AZIN2: variants seen among roughly 807,000 people sequenced by gnomAD.
The protein encoded by AZIN2 is ODC antizyme inhibitor-2.
AZIN2 carries 28 observed loss-of-function variants against 47.8 expected under a neutral mutation model. The ratio of observed to expected loss-of-function variants is 0.59; its 90% CI spans 0.43 to 0.80. AZIN2 has a LOEUF of 0.80. AZIN2 is among the 30% of genes least tolerant of loss of function. The pLI is 0.00. For missense variants in AZIN2, 535 were observed against 582.5 expected (o/e 0.92, Z 0.84); for synonymous variants, 221 against 239.4 (o/e 0.92, Z 0.71).
rs1441911902 is a variant in AZIN2 at position 33,113,604 on chromosome 1, T to G, written c.1030-4298T>G. Among the ~76,000 whole-genome samples, 2 of 152,254 alleles carry G rather than the reference T, an allele frequency of 1.3e-5. No homozygotes were observed. Among genetic ancestry groups the G allele is most frequent in the Admixed American group, 6.5e-5 (1 of 15,288 alleles). On this transcript the variant is annotated intron_variant, in intron 10 of 11. Transcript: ENST00000294517. This position sits in a 1 kb window ranked among gnomAD's most constrained non-coding sequence, Gnocchi z 4.1. ...TAAAATGGGAATGATGACAGAAAGCTTCAGACTTGGAATCAGAAGACATGG... is the reference window on the plus strand; with the variant it reads ...TAAAATGGGAATGATGACAGAAAGCGTCAGACTTGGAATCAGAAGACATGG...
chr1:33,159,747 C>T, the AZIN2 span: 3,896 of 1,613,310 alleles, frequency 2.4e-3, 85 homozygotes, highest in African/African-American at 0.046. The surrounding 1 kb of genome is among the most constrained non-coding windows in gnomAD (Gnocchi z 4.2). Context: ...CAGCCAGCCG[C>T]TCCTGCAGGA....
the AZIN2 span, among the ~76,000 whole-genome samples, chr1:33,166,624 G>A: frequency 6.6e-6 from 1 of 152,176 alleles, no homozygotes; most frequent in African/African-American, 2.4e-5. Flanking sequence ...ATAGCATACA[G>A]ATAAACATAT....
rs1642934014 is a variant in AZIN2 at position 33,094,577 on chromosome 1, C to T, written c.617C>T (p.Pro206Leu). Residue 206 changes from proline to leucine, a missense_variant, in exon 8 of 12, where the codon CCT becomes CTT. By Grantham distance (98) the Pro-to-Leu change is moderately conservative (BLOSUM62 -3). Coordinates refer to ENST00000294517, the MANE Select transcript of AZIN2 (RefSeq NM_052998.4). ...CACATTGGCAGTGGCTGTCCTGACC[C>T]TCAGGCCTATGCTCAGTCCATCGCA... is the stretch of plus-strand genomic sequence containing the variant. ...SFHIGSGCPD[P>L]QAYAQSIADA... 1 of 1,614,094 alleles carries T rather than the reference C, an allele frequency of 6.2e-7. No individual in the cohort carries two copies.
At position 33,096,761 on chromosome 1, in the gene AZIN2, G is replaced by A. The variant is rs778899459; in HGVS notation, c.808G>A (p.Val270Met). The change falls in exon 9 of 12, where the codon GTG (valine) becomes ATG (methionine). Residue 270 changes from valine to methionine, a missense_variant. Physicochemically the swap from Val to Met is conservative, Grantham distance 21. This residue lies in a region of AZIN2 where 409 missense variants were observed against 429.0 expected (regional missense o/e 0.95). Coordinates refer to ENST00000294517, the MANE Select transcript of AZIN2 (RefSeq NM_052998.4). Reference protein sequence around the residue: ...LDLYFPEGCGVDIFAELGRYY... With the variant: ...LDLYFPEGCGMDIFAELGRYY... The stretch of plus-strand genomic sequence containing the variant: ...CCTGTACTTCCCAGAGGGCTGTGGC[G>A]TGGACATCTTTGCTGAGCTGGGGCG... 49 of 1,614,120 alleles carry A rather than the reference G, an allele frequency of 3.0e-5. No homozygotes were observed. The highest frequency in any genetic ancestry group is 1.2e-4 in the Admixed American group (7 of 60,012).
At chr1:33,160,386 C>T in the AZIN2 span, among the ~76,000 whole-genome samples, 1 of 151,844 alleles carries the variant, frequency 6.6e-6, no homozygotes, top group Non-Finnish European at 1.5e-5. Flanking sequence ...ATAGTGAAGT[C>T]TTTATTTTTT....
chr1:33,140,511 G>A, the AZIN2 span, among the ~76,000 whole-genome samples: 2 of 152,186 alleles, frequency 1.3e-5, no homozygotes, highest in African/African-American at 4.8e-5. This position sits in a 1 kb window ranked among gnomAD's most constrained non-coding sequence, Gnocchi z 4.0. Context: ...TCAGCCTGCA[G>A]GGAGTGAGGG....
chr1:33,139,320 C>T, the AZIN2 span, among the ~76,000 whole-genome samples: 6 of 152,168 alleles, frequency 3.9e-5, no homozygotes, highest in Non-Finnish European at 5.9e-5. Flanking sequence ...TACAGCTTGA[C>T]ATTAGCTACT....
At chr1:33,133,077 T>C in the AZIN2 span, among the ~76,000 whole-genome samples, 2 of 152,318 alleles carry the variant, frequency 1.3e-5, no homozygotes, top group Middle Eastern at 6.8e-3. Context: ...TCAGGCCCAG[T>C]GGGTCAGGAG....
At chr1:33,082,494 AT>A in intron 4 of AZIN2, 140 bp downstream of exon 4, 1 of 611,360 alleles carries the variant, frequency 1.6e-6, no homozygotes, top group Middle Eastern at 4.5e-4. Flanking sequence ...GAGGGGCTCA[AT>A]TTATCCCCAA....
At chr1:33,087,377 C>A (rs1456280111) in intron 5 of AZIN2, among the ~76,000 whole-genome samples, 1 of 151,860 alleles carries the variant, frequency 6.6e-6, no homozygotes, top group African/African-American at 2.4e-5. Context: ...AGGTGATCCA[C>A]CCGCCTCGGC....
chr1:33,149,630 T>A, the AZIN2 span, among the ~76,000 whole-genome samples: 2 of 151,344 alleles, frequency 1.3e-5, no homozygotes, highest in African/African-American at 4.9e-5. Context: ...AATTTTTAAA[T>A]TTTTCATAGA....
At chr1:33,108,305 C>T (rs543296135) in intron 10 of AZIN2, among the ~76,000 whole-genome samples, 24 of 151,450 alleles carry the variant, frequency 1.6e-4, no homozygotes, top group Admixed American at 5.3e-4. Flanking sequence ...TGCTATCTCA[C>T]ACCATATACA....
chr1:33,110,630 AG>A (rs1284249277), intron 10 of AZIN2, among the ~76,000 whole-genome samples: 1 of 152,242 alleles, frequency 6.6e-6, no homozygotes, highest in Non-Finnish European at 1.5e-5. Context: ...TAGAGACAAC[AG>A]AAGAGAGAAT....
At chr1:33,158,253 C>T in the AZIN2 span, 2 of 1,613,050 alleles carry the variant, frequency 1.2e-6, no homozygotes, top group South Asian at 1.1e-5. Context: ...CATGCCTTAC[C>T]TGGGTGGATG....
At position 33,094,718 on chromosome 1, in the gene AZIN2, C is replaced by A. The variant is rs759532210; in HGVS notation, c.753+5C>A. On this transcript the variant is annotated splice_donor_5th_base_variant and intron_variant, in intron 8 of 11. Coordinates refer to ENST00000294517, the MANE Select transcript of AZIN2 (RefSeq NM_052998.4). ...GCCAAAGTGAGATTTGAAGAGGTAA[C>A]CCTGGAGCTGGGAGTGTCATGCTGG... 6.2e-7 allele frequency: 1 copy of A among 1,613,828 alleles called. No individual in the cohort carries two copies. Among genetic ancestry groups the A allele is most frequent in the Non-Finnish European group, 8.5e-7 (1 of 1,179,804 alleles).
chr1:33,145,460 T>C, the AZIN2 span: 1 of 166,826 alleles, frequency 6.0e-6, no homozygotes, highest in African/African-American at 2.4e-5. Context: ...TGGGCAACAT[T>C]TTAAATAAAA....
the AZIN2 span, among the ~76,000 whole-genome samples, chr1:33,144,198 G>A: frequency 4.0e-5 from 6 of 151,508 alleles, no homozygotes; most frequent in East Asian, 7.8e-4. Context: ...GTGCAATGGC[G>A]CGATCTCCAG....
At position 33,084,189 on chromosome 1, in the gene AZIN2, C is replaced by A. The variant is rs1641613008; in HGVS notation, c.279+62C>A. 1.9e-6 allele frequency: 3 copies of A among 1,587,176 alleles called. No individual in the cohort carries two copies. In the Admixed American group the frequency reaches 5.0e-5, roughly 27 times the overall value. ...CCCACTGAACACACACATGGCCAGGCTAGTCCAGGTGGGCTCTGGGGAGCA... is the reference window on the plus strand; with the variant it reads ...CCCACTGAACACACACATGGCCAGGATAGTCCAGGTGGGCTCTGGGGAGCA... On this transcript the variant is annotated intron_variant, in intron 5 of 11. Coordinates refer to ENST00000294517, the MANE Select transcript of AZIN2 (RefSeq NM_052998.4).
At chr1:33,094,817 C>T in intron 8 of AZIN2, 104 bp downstream of exon 8, 1 of 1,254,444 alleles carries the variant, frequency 8.0e-7, no homozygotes. Flanking sequence ...CTATGCACTG[C>T]ATGCAGTGCT....
Sources: allele counts gnomAD v4.1 joint callset (sites outside exome capture counted in the v4.1 genomes callset), GRCh38; gene constraint gnomAD v4.1.1; regional missense constraint gnomAD v4.1.1; non-coding constraint Gnocchi (gnomAD v3.1); transcripts MANE v1.5; gene names NCBI Gene and HGNC (gene_info 2026-07-23, HGNC 2026-07-21).